PRH1: variants seen among roughly 807,000 people sequenced by gnomAD.
PRH1 encodes proline rich protein HaeIII subfamily 1, also known as salivary acidic proline-rich phosphoprotein 1/2.
PRH1 carries 7 observed loss-of-function variants against 7.9 expected under a neutral mutation model. The ratio of observed to expected loss-of-function variants is 0.89; its 90% CI spans 0.50 to 1.67. The LOEUF (loss-of-function observed/expected upper bound fraction) is 1.67. Among genes scored for constraint, PRH1 ranks in the 40% most tolerant of loss-of-function variants. The pLI, the probability that PRH1 is intolerant of heterozygous loss-of-function variation, is 0.00. For missense variants in PRH1, 109 were observed against 223.6 expected, an observed-to-expected ratio of 0.49 and a Z score of 3.27; for synonymous variants, 45 against 80.8, an observed-to-expected ratio of 0.56 and a Z score of 2.38.
intron 1 of PRH1, among the ~76,000 whole-genome samples, chr12:11,148,432 G>C (rs1403404138): frequency 7.0e-6 from 1 of 142,022 alleles, no homozygotes; most frequent in Non-Finnish European, 1.6e-5. Context: ...GTCTGTCATA[G>C]ATAGCTCTTA....
chr12:10,953,401 A>G (rs1937785282), intron 2 of PRH1, among the ~76,000 whole-genome samples: 1 of 152,228 alleles, frequency 6.6e-6, no homozygotes, highest in Non-Finnish European at 1.5e-5. Context: ...CAAAATGGTC[A>G]TTTTAAGAAA....
rs1463971646 is a variant in PRH1, at chr12:10,891,745, T to C, written c.-58-7470A>G. On this transcript the variant is annotated intron_variant, in intron 2 of 3. Coordinates refer to the PRH1 transcript ENST00000539853. Reference sequence around the variant, plus strand: ...ATATCATCGTACTATTTCTTCAAGCTTCAGTCCCCTCACAGGGATAAGATG... The same window carrying C: ...ATATCATCGTACTATTTCTTCAAGCCTCAGTCCCCTCACAGGGATAAGATG... 3 of 152,216 alleles carry C rather than the reference T, an allele frequency of 2.0e-5. 1 individual carries two copies. The highest frequency in any genetic ancestry group is 2.0e-4 in the Admixed American group (3 of 15,284). The allele number at this position is 152,216 out of a possible 1,614,324, so 9.4% of individuals were successfully genotyped here. A position where few individuals can be genotyped will look rare whatever the true frequency, so the allele number is the denominator to read the frequency against.
chr12:11,136,928 T>A (rs977377980), intron 1 of PRH1, among the ~76,000 whole-genome samples: 4 of 152,190 alleles, frequency 2.6e-5, no homozygotes, highest in African/African-American at 9.7e-5. Context: ...TTATAAATTT[T>A]TAGTATACCT....
intron 1 of PRH1, among the ~76,000 whole-genome samples, chr12:11,055,349 A>G (rs1591907524): frequency 1.3e-5 from 2 of 152,358 alleles, no homozygotes; most frequent in East Asian, 3.9e-4. Context: ...AGTAGTAAAC[A>G]TACCATGTCT....
chr12:11,020,385 T>C (rs1226990705), intron 1 of PRH1, among the ~76,000 whole-genome samples: 8 of 104,892 alleles, frequency 7.6e-5, no homozygotes, highest in South Asian at 3.4e-4. Flanking sequence ...TATATATATA[T>C]ATATATGTCT....
At chr12:10,975,378 G>A (rs1028338241) in intron 1 of PRH1, among the ~76,000 whole-genome samples, 2 of 152,126 alleles carry the variant, frequency 1.3e-5, no homozygotes, top group Non-Finnish European at 2.9e-5. Context: ...AAATGCTAAG[G>A]GATTTCATTA....
chr12:10,989,995 C>T (rs1939852199), intron 1 of PRH1, among the ~76,000 whole-genome samples: 1 of 152,038 alleles, frequency 6.6e-6, no homozygotes. Flanking sequence ...TGAAAATATA[C>T]GGATGTCTCA....
intron 1 of PRH1, among the ~76,000 whole-genome samples, chr12:11,052,433 C>T (rs931515200): frequency 1.3e-5 from 2 of 152,186 alleles, no homozygotes; most frequent in African/African-American, 4.8e-5. Flanking sequence ...CTACCTCTAG[C>T]TACTTTTCAG....
chr12:11,167,645 A>C (rs924222375), intron 1 of PRH1, among the ~76,000 whole-genome samples: 2 of 151,956 alleles, frequency 1.3e-5, no homozygotes, highest in South Asian at 4.1e-4. Context: ...ACGGGGTTTC[A>C]CCATGTTAGC....
intron 2 of PRH1, chr12:10,938,768 A>G: frequency 6.2e-7 from 1 of 1,613,524 alleles, no homozygotes; most frequent in Non-Finnish European, 8.5e-7. Flanking sequence ...GATGTTTATC[A>G]GTGCAATATT....
chr12:11,125,518 A>T (rs1268801986), intron 1 of PRH1, among the ~76,000 whole-genome samples: 1 of 152,298 alleles, frequency 6.6e-6, no homozygotes, highest in Admixed American at 6.5e-5. Context: ...CATATGTTTT[A>T]TGCCTTAACA....
chr12:11,171,417 C>G, intron 1 of PRH1: 1 of 1,232,068 alleles, frequency 8.1e-7, no homozygotes, highest in Non-Finnish European at 1.0e-6. Context: ...CGCCGCGACA[C>G]CCACCTCGTA....
chr12:11,043,003 A>G (rs1942771877), intron 1 of PRH1, among the ~76,000 whole-genome samples: 1 of 152,152 alleles, frequency 6.6e-6, no homozygotes, highest in Non-Finnish European at 1.5e-5. Flanking sequence ...GAAAACTACA[A>G]GTAAATATCC....
intron 2 of PRH1, among the ~76,000 whole-genome samples, chr12:10,925,945 TA>T (rs751074076): frequency 2.0e-5 from 3 of 152,230 alleles, no homozygotes; most frequent in Non-Finnish European, 1.5e-5. Flanking sequence ...CATATGTCCC[TA>T]ATATAATGGT....
chr12:10,915,206 T>C (rs900466743), intron 2 of PRH1, among the ~76,000 whole-genome samples: 3 of 152,190 alleles, frequency 2.0e-5, no homozygotes, highest in Non-Finnish European at 4.4e-5. Context: ...GTTACATCCA[T>C]GTTAAAAATT....
At chr12:10,932,452 A>C in intron 2 of PRH1, 1 of 191,444 alleles carries the variant, frequency 5.2e-6, no homozygotes, top group Non-Finnish European at 1.2e-5. Flanking sequence ...TATCCTTATT[A>C]AGTCATCTGC....
chr12:11,098,274 T>A (rs1285560839), intron 1 of PRH1, among the ~76,000 whole-genome samples: 1 of 150,748 alleles, frequency 6.6e-6, no homozygotes, highest in Non-Finnish European at 1.5e-5. Context: ...ATCTGCTGGG[T>A]CATTCTTTTT....
intron 1 of PRH1, among the ~76,000 whole-genome samples, chr12:11,155,657 T>C (rs1049576484): frequency 1.3e-5 from 2 of 152,226 alleles, no homozygotes; most frequent in African/African-American, 2.4e-5. Context: ...TGATAAAATG[T>C]ATCCACTTTG....
intron 1 of PRH1, among the ~76,000 whole-genome samples, chr12:11,136,563 T>A (rs1377798030): frequency 6.6e-6 from 1 of 152,202 alleles, no homozygotes; most frequent in African/African-American, 2.4e-5. Flanking sequence ...TTTACTCCTG[T>A]CACCTTTACC....
Sources: allele counts gnomAD v4.1 joint callset (sites outside exome capture counted in the v4.1 genomes callset), GRCh38; gene constraint gnomAD v4.1.1; transcripts MANE v1.5; gene names NCBI Gene and HGNC (gene_info 2026-07-23, HGNC 2026-07-21).